Variants in IQSEC3 observed in about 807,000 individuals in gnomAD.
The protein encoded by IQSEC3 is IQ motif and SEC7 domain-containing protein 3.
In IQSEC3, 50 loss-of-function variants were observed where a neutral mutation model predicts 105.4. That is an observed-to-expected ratio of 0.47 (90% confidence interval 0.38 to 0.60). IQSEC3 has a LOEUF of 0.60. Ranked by LOEUF, IQSEC3 falls within the 20% of genes least tolerant of loss-of-function variation. The probability of loss-of-function intolerance (pLI) is 0.00; values close to 1 mark genes in which losing one functional copy is unlikely to be tolerated. For missense variants in IQSEC3, 1,415 were observed against 1,630.0 expected (o/e 0.87, Z 2.27); for synonymous variants, 708 against 746.0 (o/e 0.95, Z 0.83).
intron 2 of IQSEC3, among the ~76,000 whole-genome samples, chr12:103,675 CAGGGCTCA>C (rs1565397312): frequency 6.8e-4 from 17 of 24,840 alleles, no homozygotes; most frequent in South Asian, 1.8e-3. Flanking sequence ...GGTGGGGAGG[CAGGGCTCA>C]GGGGTAGGTG....
At position 125,703 on chromosome 12, in the gene IQSEC3, G is replaced by A. The variant is rs782459662; in HGVS notation, c.694G>A (p.Gly232Ser). Residue 232 changes from glycine to serine, a missense_variant, in exon 3 of 14, where the codon GGC becomes AGC. Physicochemically the swap from Gly to Ser is moderately conservative, Grantham distance 56. Transcript: ENST00000538872. ...SVVAAAAVAA[G>S]RPSAHAPKAQ... ...GGTGGCAGCGGCGGCGGTGGCAGCC[G>A]GCAGACCCAGTGCCCATGCCCCGAA... The A allele has an allele frequency of 1.3e-5, 20 of 1,534,074 alleles. No individual in the cohort carries two copies. Among genetic ancestry groups the A allele is most frequent in the East Asian group, 9.4e-5 (4 of 42,454 alleles).
chr12:160,568 G>A (rs782577726), intron 7 of IQSEC3, among the ~76,000 whole-genome samples: 3 of 152,152 alleles, frequency 2.0e-5, no homozygotes, highest in Admixed American at 6.5e-5. Context: ...GCTTGGCTGG[G>A]TGTGGGGTCC....
At chr12:161,845 G>C (rs1255315520) in intron 7 of IQSEC3, 81 bp from the exon 8 acceptor site, 1 of 1,426,054 alleles carries the variant, frequency 7.0e-7, no homozygotes, top group African/African-American at 1.4e-5. Context: ...GGCTGGATGG[G>C]GGTCTCTTCT....
chr12:87,224 G>T (rs75740863), intron 1 of IQSEC3, among the ~76,000 whole-genome samples: 91 of 152,154 alleles, frequency 6.0e-4, no homozygotes, highest in African/African-American at 2.1e-3. Context: ...GTCATCAAGC[G>T]GCTGTCAAGC....
chr12:150,921 A>G (rs1866483350), intron 5 of IQSEC3, among the ~76,000 whole-genome samples: 2 of 151,724 alleles, frequency 1.3e-5, no homozygotes, highest in African/African-American at 4.9e-5. Context: ...GAACACCTCA[A>G]ACTTCGTGTG....
rs993671083 is a variant in IQSEC3 at position 175,020 on chromosome 12, G to A, written c.3536G>A (p.Arg1179Lys). The A allele has an allele frequency of 1.9e-6, 3 of 1,543,228 alleles. No individual in the cohort carries two copies. The highest frequency in any genetic ancestry group is 1.8e-5 in the Admixed American group (1 of 56,304). ...LHGHRYSSGS[R>K]SLV ...GGGCACCGCTACTCCAGTGGCTCAA[G>A]GAGCCTGGTGTAGACTCTGCCCCAC... The change falls in exon 14 of 14, where the codon AGG becomes AAG. Residue 1179 changes from arginine (R) to lysine (K), a missense_variant. By Grantham distance (26) the Arg-to-Lys change is conservative. This residue lies in a region of IQSEC3 where 419 missense variants were observed against 436.2 expected (regional missense o/e 0.96). Transcript: ENST00000538872.
At chr12:92,455 T>G (rs1555073731) in intron 1 of IQSEC3, among the ~76,000 whole-genome samples, 1 of 152,142 alleles carries the variant, frequency 6.6e-6, no homozygotes, top group African/African-American at 2.4e-5. Flanking sequence ...AGAATGCCCC[T>G]CCCAGGCTCG....
chr12:89,798 T>C (rs1258840434), intron 1 of IQSEC3, among the ~76,000 whole-genome samples: 12 of 152,256 alleles, frequency 7.9e-5, no homozygotes, highest in Admixed American at 2.0e-4. Flanking sequence ...TATTGCTGAA[T>C]AGTATTACAT....
At chr12:148,079 G>A (rs991904551) in intron 5 of IQSEC3, 8 of 152,256 alleles carry the variant, frequency 5.3e-5, no homozygotes, top group African/African-American at 1.9e-4. Context: ...CCCAGTAGAT[G>A]TTCTCAGTGT....
At chr12:100,257 G>T (rs1373369562) in intron 2 of IQSEC3, among the ~76,000 whole-genome samples, 1 of 152,172 alleles carries the variant, frequency 6.6e-6, no homozygotes, top group Non-Finnish European at 1.5e-5. Flanking sequence ...GTCCCTGAAG[G>T]ATGAGAGGAG....
chr12:82,991 T>C (rs1350830133), intron 1 of IQSEC3, among the ~76,000 whole-genome samples: 4 of 151,944 alleles, frequency 2.6e-5, no homozygotes, highest in African/African-American at 9.7e-5. Context: ...TCTCAGGAGG[T>C]TCTGACGCAG....
intron 2 of IQSEC3, among the ~76,000 whole-genome samples, chr12:108,725 T>A (rs904888241): frequency 1.3e-5 from 2 of 152,206 alleles, no homozygotes; most frequent in African/African-American, 2.4e-5. Context: ...TTTCAGGGTG[T>A]CTTTAGCCGG....
rs782535623 is a variant in IQSEC3, at chr12:138,713, G to T, written c.1350G>T (p.Glu450Asp). ...LQAAAGPPGL[E>D]AEGRAPESAG... is the part of the protein sequence containing the mutation. The stretch of plus-strand genomic sequence containing the variant: ...CGGCCGCGGGGCCCCCAGGCCTGGA[G>T]GCCGAGGGGCGGGCGCCGGAGAGCG... Residue 450 changes from glutamate to aspartate, a missense_variant, in exon 4 of 14, where the codon GAG becomes GAT. Glu to Asp is a conservative substitution (Grantham distance 45). Transcript: ENST00000538872. The surrounding 1 kb of genome is among the most constrained non-coding windows in gnomAD (Gnocchi z 7.1). 1 of 1,506,312 alleles carries T rather than the reference G, an allele frequency of 6.6e-7. No homozygotes were observed. Among genetic ancestry groups the T allele is most frequent in the South Asian group, 1.2e-5 (1 of 80,290 alleles). 93.3% of individuals were successfully genotyped at this position (1,506,312 alleles called of 1,614,324 possible). A position where few individuals can be genotyped will look rare whatever the true frequency, so the allele number is the denominator to read the frequency against.
At chr12:74,427 G>A (rs1344476910) in intron 1 of IQSEC3, among the ~76,000 whole-genome samples, 8 of 152,292 alleles carry the variant, frequency 5.3e-5, no homozygotes, top group African/African-American at 1.9e-4. Flanking sequence ...GTTTGTGACT[G>A]TGAGGCCACC....
At chr12:95,077 C>T (rs1864203551) in intron 1 of IQSEC3, among the ~76,000 whole-genome samples, 1 of 152,144 alleles carries the variant, frequency 6.6e-6, no homozygotes, top group South Asian at 2.1e-4. Flanking sequence ...TTTCTTCAGG[C>T]CAGGAAGCCT....
At chr12:72,961 G>T (rs1468488978) in intron 1 of IQSEC3, among the ~76,000 whole-genome samples, 32 of 135,122 alleles carry the variant, frequency 2.4e-4, no homozygotes, top group Admixed American at 2.0e-3. Context: ...CAGGAGAATG[G>T]CGTGAACCCA....
At chr12:104,775 C>A (rs1429721988) in intron 2 of IQSEC3, among the ~76,000 whole-genome samples, 1 of 152,248 alleles carries the variant, frequency 6.6e-6, no homozygotes, top group Admixed American at 6.5e-5. Flanking sequence ...AGAACGGCTG[C>A]GGGGATAGCC....
intron 12 of IQSEC3, among the ~76,000 whole-genome samples, chr12:170,316 CCTCT>C (rs140077181): frequency 6.6e-6 from 1 of 152,214 alleles, no homozygotes; most frequent in Non-Finnish European, 1.5e-5. Context: ...TTCCTTCCTG[CCTCT>C]CTTTTGGAAG....
chr12:171,576 C>T (rs880003162), intron 13 of IQSEC3: 26 of 572,624 alleles, frequency 4.5e-5, no homozygotes, highest in Admixed American at 9.8e-5. Flanking sequence ...CCATCCATAG[C>T]GGGGAGCCTG....
Sources: allele counts gnomAD v4.1 joint callset (sites outside exome capture counted in the v4.1 genomes callset), GRCh38; gene constraint gnomAD v4.1.1; regional missense constraint gnomAD v4.1.1; non-coding constraint Gnocchi (gnomAD v3.1); transcripts MANE v1.5; gene names NCBI Gene and HGNC (gene_info 2026-07-23, HGNC 2026-07-21).